Variants in MEOX2 observed in about 807,000 individuals in gnomAD.
MEOX2 encodes the protein mesenchyme homeobox 2, also known as homeobox protein MOX-2.
Under a neutral mutation model 27.0 loss-of-function variants are expected in MEOX2, and 11 were observed. The observed-to-expected ratio is 0.41, with a 90% CI of 0.26 to 0.68. MEOX2 has a LOEUF of 0.68. MEOX2 is among the 30% of genes least tolerant of loss of function. MEOX2 has a pLI of 0.33. For missense variants in MEOX2, 436 were observed against 385.4 expected, an observed-to-expected ratio of 1.13 and a Z score of -1.10; for synonymous variants, 189 against 155.4, an observed-to-expected ratio of 1.22 and a Z score of -1.61.
At chr7:15,684,894 G>T (rs1346321676) in intron 1 of MEOX2, among the ~76,000 whole-genome samples, 1 of 152,224 alleles carries the variant, frequency 6.6e-6, no homozygotes, top group Non-Finnish European at 1.5e-5. Flanking sequence ...TTGAAAACTT[G>T]TCTGGAAACT....
intron 1 of MEOX2, among the ~76,000 whole-genome samples, chr7:15,631,711 C>T (rs570981210): frequency 6.6e-6 from 1 of 151,580 alleles, no homozygotes; most frequent in Non-Finnish European, 1.5e-5. Context: ...ATTACAATTG[C>T]TAACTTATAA....
At position 15,637,709 on chromosome 7, in the gene MEOX2, T is replaced by C. The variant is rs535133000; in HGVS notation, c.518-10791A>G. Among the ~76,000 whole-genome samples the C allele has an allele frequency of 4.5e-3, 688 of 152,156 alleles. 6 individuals are homozygous for C. The highest frequency in any genetic ancestry group is 0.016 in the African/African-American group (654 of 41,520). On this transcript the variant is annotated intron_variant, in intron 1 of 2. Transcript: ENST00000262041. ...ACAGTTCTGTTTACAACTCTAGTTATTTAGAAGGAAAGAGTGGCTGGGGAA... is the reference window on the plus strand; with the variant it reads ...ACAGTTCTGTTTACAACTCTAGTTACTTAGAAGGAAAGAGTGGCTGGGGAA...
chr7:15,636,792 T>C (rs1428947978), intron 1 of MEOX2, among the ~76,000 whole-genome samples: 1 of 152,060 alleles, frequency 6.6e-6, no homozygotes, highest in Non-Finnish European at 1.5e-5. Flanking sequence ...TGAGAAGAAG[T>C]GCACGATCAA....
intron 1 of MEOX2, among the ~76,000 whole-genome samples, chr7:15,682,982 A>T (rs1000674535): frequency 1.3e-5 from 2 of 152,044 alleles, no homozygotes; most frequent in African/African-American, 4.8e-5. Context: ...ACTTACATAA[A>T]GGAAGCCTAA....
chr7:15,653,315 C>A (rs1385650863), intron 1 of MEOX2, among the ~76,000 whole-genome samples: 1 of 151,904 alleles, frequency 6.6e-6, no homozygotes, highest in Non-Finnish European at 1.5e-5. Flanking sequence ...ATCCTTGGCC[C>A]ACTTTCGTAT....
intron 1 of MEOX2, among the ~76,000 whole-genome samples, chr7:15,653,484 G>A (rs1781772472): frequency 6.6e-6 from 1 of 151,884 alleles, no homozygotes; most frequent in African/African-American, 2.4e-5. Context: ...TAATTTTGAT[G>A]AAGTCTGCTC....
intron 1 of MEOX2, among the ~76,000 whole-genome samples, chr7:15,641,703 A>G (rs1008187413): frequency 6.6e-6 from 1 of 152,160 alleles, no homozygotes; most frequent in South Asian, 2.1e-4. Flanking sequence ...ATTGCTTCAT[A>G]GCATCTATAA....
chr7:15,649,766 G>A (rs1177397743), intron 1 of MEOX2, among the ~76,000 whole-genome samples: 2 of 152,044 alleles, frequency 1.3e-5, no homozygotes, highest in African/African-American at 4.8e-5. Flanking sequence ...TGAGTATGGG[G>A]TATTGCAAAA....
intron 1 of MEOX2, chr7:15,680,069 T>C (rs1418144346): frequency 1.3e-5 from 2 of 151,896 alleles, no homozygotes; most frequent in African/African-American, 4.8e-5. Flanking sequence ...CCGGAAATTA[T>C]ATATCAAAAA....
At chr7:15,616,914 G>C (rs987011167) in intron 2 of MEOX2, among the ~76,000 whole-genome samples, 1 of 151,954 alleles carries the variant, frequency 6.6e-6, no homozygotes, top group African/African-American at 2.4e-5. Context: ...CAAGAAAATG[G>C]AGGAAATGTA....
chr7:15,666,810 A>G (rs1265906165), intron 1 of MEOX2, among the ~76,000 whole-genome samples: 2 of 139,838 alleles, frequency 1.4e-5, no homozygotes, highest in African/African-American at 5.4e-5. Context: ...ATATATATTC[A>G]AATGGTAAAA....
intron 1 of MEOX2, among the ~76,000 whole-genome samples, chr7:15,646,232 T>C (rs1346034871): frequency 6.6e-6 from 1 of 152,084 alleles, no homozygotes; most frequent in Non-Finnish European, 1.5e-5. Flanking sequence ...TGGGATAATA[T>C]ACGTGAAAGT....
rs917108594 is a variant in MEOX2, at chr7:15,612,234, C to T, written c.*153G>A. The T allele has an allele frequency of 8.8e-5, 58 of 661,142 alleles. 1 individual carries two copies. Among genetic ancestry groups the T allele is most frequent in the Admixed American group, 6.4e-4 (23 of 36,108 alleles). The allele number at this position is 661,142 out of a possible 1,614,324, so 41.0% of individuals were successfully genotyped here. A position where few individuals can be genotyped will look rare whatever the true frequency, so the allele number is the denominator to read the frequency against. On this transcript the variant is annotated 3_prime_UTR_variant, in exon 3 of 3. Transcript: ENST00000262041. Reference sequence around the variant, plus strand: ...TTAATAAGTGGCACTTTGTGTAAACCCTCTATAAATCATGAAAAACAGATT... The same window carrying T: ...TTAATAAGTGGCACTTTGTGTAAACTCTCTATAAATCATGAAAAACAGATT...
intron 1 of MEOX2, among the ~76,000 whole-genome samples, chr7:15,668,736 A>G (rs1782050564): frequency 6.6e-6 from 1 of 152,078 alleles, no homozygotes; most frequent in African/African-American, 2.4e-5. Context: ...TCAGCCTCCC[A>G]AAGTGCTGAG....
chr7:15,632,827 C>T (rs545708599), intron 1 of MEOX2, among the ~76,000 whole-genome samples: 3 of 151,904 alleles, frequency 2.0e-5, no homozygotes, highest in African/African-American at 7.2e-5. Context: ...CTTTATGGCT[C>T]TTGCTATAGT....
intron 2 of MEOX2, among the ~76,000 whole-genome samples, chr7:15,626,428 T>C (rs1434867417): frequency 6.6e-6 from 1 of 152,078 alleles, no homozygotes. Flanking sequence ...AAGGAGATTT[T>C]AACATATAAG....
chr7:15,656,606 C>T (rs1781826176), intron 1 of MEOX2, among the ~76,000 whole-genome samples: 1 of 151,730 alleles, frequency 6.6e-6, no homozygotes, highest in Admixed American at 6.6e-5. Context: ...ACCTGACCTC[C>T]CTTTATTCCT....
At chr7:15,629,011 C>A (rs1238437364) in intron 1 of MEOX2, among the ~76,000 whole-genome samples, 2 of 151,998 alleles carry the variant, frequency 1.3e-5, no homozygotes, top group Non-Finnish European at 2.9e-5. Context: ...TATGTGGAGA[C>A]AATGCTCTTT....
rs762643578 is a variant in MEOX2, at chr7:15,612,409, C to T, written c.893G>A (p.Ser298Asn). The T allele has an allele frequency of 4.3e-6, 7 of 1,613,914 alleles. No individual in the cohort carries two copies. In the South Asian group the frequency reaches 7.7e-5, roughly 18 times the overall value. ...ATATCATAAGTGCGCATGCTCTGAG[C>T]TGTGGTCACTGTCGTGACTGTCTTC... ...ANEDSHDSDH[S>N]SEHAHL The change falls in exon 3 of 3, where the codon AGC becomes AAC. Residue 298 changes from serine to asparagine, a missense_variant. By Grantham distance (46) the Ser-to-Asn change is conservative. Transcript: ENST00000262041.
Sources: allele counts gnomAD v4.1 joint callset (sites outside exome capture counted in the v4.1 genomes callset), GRCh38; gene constraint gnomAD v4.1.1; transcripts MANE v1.5; gene names NCBI Gene and HGNC (gene_info 2026-07-23, HGNC 2026-07-21).